Variants in CA6 observed in about 807,000 individuals in gnomAD.
CA6 encodes the protein carbonate dehydratase VI.
CA6 carries 28 observed loss-of-function variants against 35.9 expected under a neutral mutation model. The observed-to-expected ratio is 0.78, with a 90% confidence interval of 0.58 to 1.07. The LOEUF is 1.07. CA6 is among the 50% of genes least tolerant of loss of function. CA6 has a pLI of 0.00. For synonymous variants in CA6, 148 were observed against 152.6 expected, an observed-to-expected ratio of 0.97 and a Z score of 0.22; for missense variants, 377 against 382.0, an observed-to-expected ratio of 0.99 and a Z score of 0.11.
At chr1:8,956,962 G>T (rs1231631635) in intron 2 of CA6, among the ~76,000 whole-genome samples, 175 bp from the exon 3 acceptor site, 1 of 152,212 alleles carries the variant, frequency 6.6e-6, no homozygotes, top group African/African-American at 2.4e-5. Flanking sequence ...TGTGCCCTGT[G>T]CGCAAACGCC....
chr1:8,949,222 G>C lies in CA6; in HGVS notation c.80-41G>C, dbSNP rs554170526. ...CTGGTGAGGTTCCTCCAGAGTGGGCGCAGCCAGGCAGCCCCTTGAACTGTG... is the reference window on the plus strand; with the variant it reads ...CTGGTGAGGTTCCTCCAGAGTGGGCCCAGCCAGGCAGCCCCTTGAACTGTG... On this transcript the variant is annotated intron_variant, in intron 1 of 7. Transcript: ENST00000377443. The C allele has an allele frequency of 4.9e-5, 73 of 1,488,838 alleles. 2 individuals are homozygous for C. In the African/African-American group the frequency reaches 8.6e-4, roughly 18 times the overall value. The allele number at this position is 1,488,838 out of a possible 1,614,324, so 92.2% of individuals were successfully genotyped here.
chr1:8,960,802 G>A (rs11121280), intron 4 of CA6, among the ~76,000 whole-genome samples: 9,007 of 103,062 alleles, frequency 0.087, 932 homozygotes, highest in African/African-American at 0.29. Context: ...ATATATAATG[G>A]GAGTCCCAGA....
chr1:8,974,228 A>G, intron 7 of CA6: 2 of 613,792 alleles, frequency 3.3e-6, no homozygotes, highest in Admixed American at 3.5e-5. Context: ...CGGGGTTGAT[A>G]TGATTAACCC....
intron 2 of CA6, among the ~76,000 whole-genome samples, chr1:8,955,958 C>T (rs1016169856): frequency 1.3e-5 from 2 of 152,226 alleles, no homozygotes; most frequent in Admixed American, 6.5e-5. Flanking sequence ...CGCAGTGGCT[C>T]GCGCCTATAA....
intron 7 of CA6, chr1:8,974,338 T>C (rs1640207904): frequency 1.4e-6 from 2 of 1,468,056 alleles, no homozygotes; most frequent in East Asian, 5.0e-5. Context: ...AACGCCTATA[T>C]CCCCTCAGGC....
In CA6 at chr1:8,967,768, C is replaced by T. The variant is rs12082594; in HGVS notation, c.681C>T (p.Asn227=). 7,971 of 1,614,010 alleles carry T rather than the reference C, an allele frequency of 4.9e-3. 374 individuals are homozygous for T. The African/African-American group carries it at 0.094, about 19-fold the overall frequency. The change falls in exon 6 of 8, where the codon AAC becomes AAT. Residue 227 remains asparagine, a synonymous_variant. Coordinates refer to ENST00000377443, the MANE Select transcript of CA6 (RefSeq NM_001215.4). ...GSLTTPPCTE[N]VHWFVLADFV... ...TCACCACGCCTCCCTGCACTGAGAA[C>T]GTCCACTGGTTTGTGCTGGCAGATT...
intron 6 of CA6, among the ~76,000 whole-genome samples, chr1:8,969,803 A>G (rs946166858): frequency 9.9e-5 from 15 of 152,206 alleles, no homozygotes; most frequent in Non-Finnish European, 2.1e-4. Context: ...TAACAGCCAC[A>G]GTGAAAGTCA....
Position 8,958,956 on chromosome 1 carries a change from C to A in CA6, c.455C>A (p.Ala152Asp). The A allele has an allele frequency of 6.2e-7, 1 of 1,613,012 alleles. No individual in the cohort carries two copies. Among genetic ancestry groups the A allele is most frequent in the Non-Finnish European group, 8.5e-7 (1 of 1,179,144 alleles). Residue 152 changes from alanine (A) to aspartate (D), a missense_variant, in exon 4 of 8, where the codon GCC becomes GAC. Transcript: ENST00000377443. ...TCTAAATACAAGAGCTATGATATAG[C>A]CCAAGATGCGCCGGATGGTTTGGCT... ...YNSKYKSYDI[A>D]QDAPDGLAVL...
chr1:8,948,001 T>G (rs1639413688), intron 1 of CA6, among the ~76,000 whole-genome samples: 1 of 152,074 alleles, frequency 6.6e-6, no homozygotes, highest in South Asian at 2.1e-4. Context: ...TGTGCCACCA[T>G]GCCCGGCTGA....
At chr1:8,962,371 C>T (rs796241708) in intron 4 of CA6, among the ~76,000 whole-genome samples, 5 of 152,228 alleles carry the variant, frequency 3.3e-5, no homozygotes, top group African/African-American at 1.2e-4. Context: ...TGCCAAAATA[C>T]TTCAGATAAT....
At chr1:8,974,428 G>A (rs1450439344) in intron 7 of CA6, 194 bp from the exon 8 acceptor site, 1 of 1,532,450 alleles carries the variant, frequency 6.5e-7, no homozygotes, top group Non-Finnish European at 8.7e-7. Context: ...TTGGCTCTGG[G>A]CAGCTTAGAA....
chr1:8,968,496 A>T (rs1469991413), intron 6 of CA6, among the ~76,000 whole-genome samples: 1 of 152,304 alleles, frequency 6.6e-6, no homozygotes, highest in East Asian at 1.9e-4. Context: ...AATACAAAAC[A>T]TATGAGAAAA....
rs1449487604 is a variant in CA6 at position 8,973,781 on chromosome 1, T to C, written c.845-841T>C. Among the ~76,000 whole-genome samples, 17 of 47,828 alleles carry C rather than the reference T, an allele frequency of 3.6e-4. 1 individual carries two copies. In the Admixed American group the frequency reaches 4.0e-3, roughly 11 times the overall value. 31.4% of individuals were successfully genotyped at this position (47,828 alleles called of 152,430 possible). On this transcript the variant is annotated intron_variant, in intron 7 of 7. Coordinates refer to ENST00000377443, the MANE Select transcript of CA6 (RefSeq NM_001215.4). ...CTTTCTTTCTTTCTTTCTTTCTTTC[T>C]TTCTTTTCCCTCCCTCCCTCTCTCT...
In CA6 at chr1:8,945,886, C is replaced by T; in HGVS notation, c.-1C>T. On this transcript the variant is annotated 5_prime_UTR_variant, in exon 1 of 8. Transcript: ENST00000377443. ...AGTCTTCATTACAGATGTGCAGCACCATGAGGGCCCTGGTGCTTCTGCTGT... is the reference window on the plus strand; with the variant it reads ...AGTCTTCATTACAGATGTGCAGCACTATGAGGGCCCTGGTGCTTCTGCTGT... The T allele has an allele frequency of 1.2e-6, 2 of 1,610,128 alleles. No individual in the cohort carries two copies. Among genetic ancestry groups the T allele is most frequent in the Non-Finnish European group, 1.7e-6 (2 of 1,176,542 alleles).
chr1:8,947,680 C>G (rs963848329), intron 1 of CA6, among the ~76,000 whole-genome samples: 3 of 152,048 alleles, frequency 2.0e-5, no homozygotes, highest in African/African-American at 7.3e-5. Flanking sequence ...ACTAGGGGCT[C>G]CAGGAGAACT....
chr1:8,956,113 C>T (rs1639674856), intron 2 of CA6, among the ~76,000 whole-genome samples: 1 of 151,994 alleles, frequency 6.6e-6, no homozygotes. Context: ...ATCCCAGCTA[C>T]TGGGGAGGCT....
intron 1 of CA6, among the ~76,000 whole-genome samples, chr1:8,947,843 C>T (rs1639406835): frequency 1.3e-5 from 2 of 148,960 alleles, no homozygotes; most frequent in South Asian, 2.1e-4. Context: ...GGCCCTAGTA[C>T]AGACACCTTT....
chr1:8,974,741 G>A lies in CA6; in HGVS notation c.*37G>A. On this transcript the variant is annotated 3_prime_UTR_variant, in exon 8 of 8. Coordinates refer to ENST00000377443, the MANE Select transcript of CA6 (RefSeq NM_001215.4). Reference sequence around the variant, plus strand: ...AGGAAGATTCAATATTAACTAGCTTGAAGCCTGACCTAGCCAGAAGTGCCT... The same window carrying A: ...AGGAAGATTCAATATTAACTAGCTTAAAGCCTGACCTAGCCAGAAGTGCCT... The A allele has an allele frequency of 7.3e-7, 1 of 1,368,886 alleles. No individual in the cohort carries two copies. Among genetic ancestry groups the A allele is most frequent in the Non-Finnish European group, 1.0e-6 (1 of 999,664 alleles). The allele number at this position is 1,368,886 out of a possible 1,614,324, so 84.8% of individuals were successfully genotyped here. A position where few individuals can be genotyped will look rare whatever the true frequency, so the allele number is the denominator to read the frequency against.
intron 3 of CA6, 44 bp downstream of exon 3, chr1:8,957,329 T>C (rs761437024): frequency 4.0e-5 from 62 of 1,538,778 alleles, no homozygotes; most frequent in Non-Finnish European, 5.2e-5. Flanking sequence ...TTGAACCCCA[T>C]AGTCACTTTT....
Sources: gnomAD v4.1 joint callset for allele counts (sites outside exome capture counted in the v4.1 genomes callset) on GRCh38, gnomAD v4.1.1 for gene constraint, MANE v1.5 for transcripts, NCBI Gene and HGNC (gene_info 2026-07-23, HGNC 2026-07-21) for gene names.